The following SWT1 variants were observed in gnomAD, a reference collection of about 807,000 sequenced individuals.
SWT1 encodes the protein SWT1 RNA endoribonuclease homolog.
A neutral mutation model predicts 107.3 loss-of-function variants in SWT1; 33 were observed. That is an observed-to-expected ratio of 0.31 (90% CI 0.23 to 0.41). The LOEUF (loss-of-function observed/expected upper bound fraction) is 0.41, where lower values mean the gene tolerates loss of function less well. Among genes scored for constraint, SWT1 ranks in the 10% least tolerant of loss-of-function variants. The pLI is 1.00. For synonymous variants in SWT1, 345 were observed against 348.3 expected (o/e 0.99, Z 0.11); for missense variants, 898 against 1,028.9 (o/e 0.87, Z 1.74).
chr1:185,167,206 G>A (rs1465564924), intron 3 of SWT1, among the ~76,000 whole-genome samples: 1 of 152,180 alleles, frequency 6.6e-6, no homozygotes, highest in African/African-American at 2.4e-5. Flanking sequence ...AGCCAAGGCA[G>A]ATACATTGTT....
At chr1:185,254,704 A>G (rs1309398965) in intron 16 of SWT1, among the ~76,000 whole-genome samples, 15 of 149,864 alleles carry the variant, frequency 1.0e-4, no homozygotes, top group Admixed American at 2.7e-4. Flanking sequence ...CAGTCTATCA[A>G]TTTTGTTGAT....
chr1:185,250,484 T>G (rs1279232043), intron 16 of SWT1, among the ~76,000 whole-genome samples: 1 of 152,148 alleles, frequency 6.6e-6, no homozygotes, highest in Non-Finnish European at 1.5e-5. Flanking sequence ...TTGGAACATT[T>G]CTTACATGTA....
intron 10 of SWT1, among the ~76,000 whole-genome samples, chr1:185,199,235 C>G (rs1156381985): frequency 6.6e-6 from 1 of 152,140 alleles, no homozygotes; most frequent in Non-Finnish European, 1.5e-5. Context: ...CACGCCTGGC[C>G]TAGCCCATTT....
intron 14 of SWT1, 88 bp downstream of exon 14, chr1:185,214,743 T>G (rs549654714): frequency 8.9e-7 from 1 of 1,118,400 alleles, no homozygotes; most frequent in Non-Finnish European, 1.3e-6. Flanking sequence ...TAAAGGATAA[T>G]TTAATTCTAA....
At chr1:185,169,394 A>G (rs377600136) in intron 4 of SWT1, among the ~76,000 whole-genome samples, 1 of 151,836 alleles carries the variant, frequency 6.6e-6, no homozygotes, top group Non-Finnish European at 1.5e-5. Context: ...TATATACAAG[A>G]GGGTAAAATA....
chr1:185,247,537 T>C (rs564964047), intron 16 of SWT1, among the ~76,000 whole-genome samples: 2 of 152,360 alleles, frequency 1.3e-5, no homozygotes, highest in Non-Finnish European at 2.9e-5. Context: ...GTGAGATTCA[T>C]ATTTATGTAT....
chr1:185,161,070 T>G, intron 2 of SWT1, 145 bp downstream of exon 2: 3 of 628,012 alleles, frequency 4.8e-6, no homozygotes, highest in Non-Finnish European at 5.5e-6. Flanking sequence ...TTTTCCGGTT[T>G]TTTACTTGCA....
At chr1:185,237,948 A>G (rs1661009040) in intron 16 of SWT1, among the ~76,000 whole-genome samples, 1 of 152,052 alleles carries the variant, frequency 6.6e-6, no homozygotes. Flanking sequence ...GGGATAAGAA[A>G]AGATTGGTAG....
intron 15 of SWT1, among the ~76,000 whole-genome samples, chr1:185,230,865 A>C (rs1660461307): frequency 6.6e-6 from 1 of 152,020 alleles, no homozygotes; most frequent in African/African-American, 2.4e-5. Flanking sequence ...CTCCCACCTT[A>C]GCCTCCCAAG....
intron 16 of SWT1, among the ~76,000 whole-genome samples, chr1:185,267,612 T>A (rs934136713): frequency 3.7e-4 from 56 of 152,356 alleles, no homozygotes; most frequent in Admixed American, 5.2e-4. Flanking sequence ...CTTATTTTTT[T>A]AAATATTTCA....
chr1:185,272,727 C>A (rs1341099376), intron 17 of SWT1, among the ~76,000 whole-genome samples: 1 of 152,150 alleles, frequency 6.6e-6, no homozygotes, highest in Admixed American at 6.5e-5. Flanking sequence ...GTGCTCCAAA[C>A]AGTACCAGGC....
intron 16 of SWT1, among the ~76,000 whole-genome samples, chr1:185,257,159 C>T (rs1201292769): frequency 6.6e-6 from 1 of 152,140 alleles, no homozygotes; most frequent in Non-Finnish European, 1.5e-5. Flanking sequence ...CAGCTGTGTG[C>T]TGGGAGAACC....
chr1:185,276,671 A>G lies in SWT1; in HGVS notation c.2573+3A>G, dbSNP rs1438407891. 3 of 1,535,264 alleles carry G rather than the reference A, an allele frequency of 2.0e-6. No individual in the cohort carries two copies. The highest frequency in any genetic ancestry group is 1.8e-6 in the Non-Finnish European group (2 of 1,116,256). ...TGTGTTTCTCAGACTGAGTATAGGT[A>G]AGTCATATCTATATATAGATATAAA... On this transcript the variant is annotated splice_donor_region_variant and intron_variant, in intron 18 of 18. Coordinates refer to ENST00000367500, the MANE Select transcript of SWT1 (RefSeq NM_017673.7).
intron 16 of SWT1, among the ~76,000 whole-genome samples, chr1:185,242,967 A>T (rs574806495): frequency 6.6e-6 from 1 of 152,338 alleles, no homozygotes; most frequent in Non-Finnish European, 1.5e-5. Flanking sequence ...TATCATAATA[A>T]TTTTAACTTA....
intron 10 of SWT1, among the ~76,000 whole-genome samples, chr1:185,191,364 GAA>G (rs1438293983): frequency 6.6e-6 from 1 of 152,082 alleles, no homozygotes; most frequent in Non-Finnish European, 1.5e-5. Flanking sequence ...TGAAGGGACA[GAA>G]GAGCAATTTT....
At chr1:185,244,617 G>A (rs1254441870) in intron 16 of SWT1, among the ~76,000 whole-genome samples, 1 of 152,046 alleles carries the variant, frequency 6.6e-6, no homozygotes, top group African/African-American at 2.4e-5. Context: ...GAAGGCCCTG[G>A]ATATGACACT....
chr1:185,281,021 A>T, intron 18 of SWT1: 1 of 326,026 alleles, frequency 3.1e-6, no homozygotes, highest in South Asian at 2.9e-5. Flanking sequence ...TTTTATGATG[A>T]TGACTAAGTC....
intron 5 of SWT1, among the ~76,000 whole-genome samples, chr1:185,175,673 A>G (rs1399974227): frequency 6.6e-6 from 1 of 152,214 alleles, no homozygotes; most frequent in Non-Finnish European, 1.5e-5. Flanking sequence ...GATTCATAAT[A>G]GAAAGGAATG....
At chr1:185,191,949 T>C (rs1377249072) in intron 10 of SWT1, among the ~76,000 whole-genome samples, 1 of 152,138 alleles carries the variant, frequency 6.6e-6, no homozygotes, top group Non-Finnish European at 1.5e-5. Flanking sequence ...GAGCCTGTTT[T>C]TCTCTCTCTC....
Sources: allele counts gnomAD v4.1 joint callset (sites outside exome capture counted in the v4.1 genomes callset), GRCh38; gene constraint gnomAD v4.1.1; transcripts MANE v1.5; gene names NCBI Gene and HGNC (gene_info 2026-07-23, HGNC 2026-07-21).